EDARADD: variants seen among roughly 807,000 people sequenced by gnomAD.
The protein encoded by EDARADD is EDAR associated via death domain, also known as ectodysplasin-A receptor-associated adapter protein.
Under a neutral mutation model 25.6 loss-of-function variants are expected in EDARADD, and 20 were observed. The observed-to-expected ratio is 0.78, with a 90% CI of 0.55 to 1.14. The LOEUF is 1.14. Ranked by LOEUF, EDARADD falls within the 50% of genes most tolerant of loss-of-function variation. The pLI is 0.00. For missense variants in EDARADD, 225 were observed against 270.1 expected (o/e 0.83, Z 1.17); for synonymous variants, 86 against 94.4 (o/e 0.91, Z 0.52).
chr1:236,457,571 A>G (rs1658904299), intron 4 of EDARADD, among the ~76,000 whole-genome samples: 1 of 152,064 alleles, frequency 6.6e-6, no homozygotes, highest in Non-Finnish European at 1.5e-5. Flanking sequence ...CTGTAATCCC[A>G]GCACTTTGGG....
At chr1:236,435,320 T>C (rs1051095087) in intron 4 of EDARADD, among the ~76,000 whole-genome samples, 2 of 152,212 alleles carry the variant, frequency 1.3e-5, no homozygotes, top group Non-Finnish European at 2.9e-5. Flanking sequence ...CTGATCCTAG[T>C]TCATAGTCAC....
intron 3 of EDARADD, among the ~76,000 whole-genome samples, chr1:236,377,841 A>G (rs1667244434): frequency 6.6e-6 from 1 of 151,658 alleles, no homozygotes; most frequent in African/African-American, 2.4e-5. Context: ...CTCACGACAG[A>G]GTGAGACTCC....
intron 3 of EDARADD, among the ~76,000 whole-genome samples, chr1:236,357,379 G>C (rs1009241517): frequency 1.3e-4 from 20 of 152,106 alleles, no homozygotes; most frequent in Non-Finnish European, 1.5e-5. Flanking sequence ...AGGTTTATTT[G>C]GCTCAGTTCT....
intron 3 of EDARADD, among the ~76,000 whole-genome samples, chr1:236,362,154 T>C (rs983618242): frequency 6.6e-6 from 1 of 152,114 alleles, no homozygotes; most frequent in South Asian, 2.1e-4. Flanking sequence ...TAGTTCACTG[T>C]AACCTCAAAC....
chr1:236,470,606 A>AT (rs1051624080), intron 5 of EDARADD, among the ~76,000 whole-genome samples: 12 of 151,462 alleles, frequency 7.9e-5, no homozygotes, highest in Admixed American at 2.6e-4. Context: ...TTTTTTTGTT[A>AT]TTTTTTTTGT....
intron 4 of EDARADD, among the ~76,000 whole-genome samples, chr1:236,459,478 G>A (rs919275799): frequency 7.9e-5 from 12 of 152,092 alleles, no homozygotes; most frequent in Non-Finnish European, 1.8e-4. Flanking sequence ...GAAGAAGCAG[G>A]TCTTCCTTGT....
rs182086789 is a variant in EDARADD at position 236,379,096 on chromosome 1, G to A, written c.-6+28257G>A. On this transcript the variant is annotated intron_variant, in intron 3 of 7. Transcript: ENST00000439430. ...TTTAAACAACTAAAGTCAGTCGGGC[G>A]CGGTGGCTCACACCTGTAATCCCAG... Among the ~76,000 whole-genome samples, 42 of 152,280 alleles carry A rather than the reference G, an allele frequency of 2.8e-4. No individual in the cohort carries two copies. In the East Asian group the frequency reaches 3.3e-3, roughly 12 times the overall value.
intron 5 of EDARADD, among the ~76,000 whole-genome samples, chr1:236,473,889 C>T (rs1351414661): frequency 6.6e-6 from 1 of 152,166 alleles, no homozygotes; most frequent in East Asian, 1.9e-4. Context: ...CCCCTTCAGC[C>T]TCCTGAGTAG....
intron 3 of EDARADD, among the ~76,000 whole-genome samples, chr1:236,351,112 C>A (rs1481625177): frequency 6.6e-6 from 1 of 152,056 alleles, no homozygotes; most frequent in African/African-American, 2.4e-5. Context: ...GCACTCCAGC[C>A]TAGGCGACGG....
intron 1 of EDARADD, among the ~76,000 whole-genome samples, chr1:236,405,226 C>T (rs1297877934): frequency 6.6e-6 from 1 of 152,206 alleles, no homozygotes; most frequent in Non-Finnish European, 1.5e-5. Context: ...AACCTAAATT[C>T]TCTGTGTCTT....
rs1182082263 is a variant in EDARADD, at chr1:236,403,051, G to A, written c.62-6165G>A. Among the ~76,000 whole-genome samples, 3 of 152,076 alleles carry A rather than the reference G, an allele frequency of 2.0e-5. No individual in the cohort carries two copies. The East Asian group carries it at 5.8e-4, about 29-fold the overall frequency. The stretch of plus-strand genomic sequence containing the variant: ...GCTCACCGAAATCTCCGCCTCCTGG[G>A]TTCAAGCGATTCTCCTGCCTCAGTG... On this transcript the variant is annotated intron_variant, in intron 1 of 5. Coordinates refer to ENST00000334232, the MANE Select transcript of EDARADD (RefSeq NM_145861.4).
intron 3 of EDARADD, among the ~76,000 whole-genome samples, chr1:236,419,466 A>T (rs1558117904): frequency 7.3e-6 from 1 of 137,354 alleles, no homozygotes; most frequent in Non-Finnish European, 1.7e-5. Flanking sequence ...ACTTTAAAGA[A>T]ATCTGGGTTA....
chr1:236,460,395 C>T (rs1012977663), intron 4 of EDARADD, among the ~76,000 whole-genome samples: 6 of 151,846 alleles, frequency 4.0e-5, no homozygotes, highest in Non-Finnish European at 7.4e-5. Flanking sequence ...TACGTTGCCC[C>T]GGCTGGTTTT....
intron 4 of EDARADD, among the ~76,000 whole-genome samples, chr1:236,451,743 T>C (rs1203611311): frequency 6.6e-6 from 1 of 152,160 alleles, no homozygotes; most frequent in Non-Finnish European, 1.5e-5. Context: ...TTCCTCACCT[T>C]CAGCTCAGGC....
At chr1:236,465,531 A>G (rs1659163612) in intron 4 of EDARADD, among the ~76,000 whole-genome samples, 1 of 152,112 alleles carries the variant, frequency 6.6e-6, no homozygotes, top group South Asian at 2.1e-4. Flanking sequence ...TGTCTCCAAG[A>G]AACTGCCTCT....
In EDARADD at chr1:236,401,258, C is replaced by T. The variant is rs182211217; in HGVS notation, c.61+6753C>T. Among the ~76,000 whole-genome samples, 205 of 152,172 alleles carry T rather than the reference C, an allele frequency of 1.3e-3. 2 individuals are homozygous for T. The highest frequency in any genetic ancestry group is 4.5e-3 in the African/African-American group (186 of 41,540). ...GAGAAAGAAATTAATCCTGCAATCA[C>T]ACATTCAAATAATTGCCTGTAATTC... is the stretch of plus-strand genomic sequence containing the variant. On this transcript the variant is annotated intron_variant, in intron 1 of 5. Transcript: ENST00000334232.
chr1:236,351,828 A>C (rs1418859441), intron 3 of EDARADD, among the ~76,000 whole-genome samples: 2 of 152,082 alleles, frequency 1.3e-5, no homozygotes, highest in African/African-American at 4.8e-5. Flanking sequence ...GTCACACACA[A>C]GGGGGTTTGG....
intron 3 of EDARADD, among the ~76,000 whole-genome samples, chr1:236,382,698 G>A (rs1667314933): frequency 6.6e-6 from 1 of 152,178 alleles, no homozygotes; most frequent in Non-Finnish European, 1.5e-5. Context: ...GCTCAGTCTA[G>A]GACTAATTAT....
intron 4 of EDARADD, among the ~76,000 whole-genome samples, chr1:236,438,831 C>T (rs989362444): frequency 4.6e-5 from 7 of 152,196 alleles, no homozygotes; most frequent in Middle Eastern, 3.4e-3. Context: ...GATTGATGAA[C>T]CTACGCTGAC....
Sources: allele counts gnomAD v4.1 joint callset (sites outside exome capture counted in the v4.1 genomes callset), GRCh38; gene constraint gnomAD v4.1.1; transcripts MANE v1.5; gene names NCBI Gene and HGNC (gene_info 2026-07-23, HGNC 2026-07-21).